The following ITSN1 variants were observed in gnomAD, a reference collection of about 807,000 sequenced individuals.
The protein encoded by ITSN1 is intersectin 1.
A neutral mutation model predicts 239.8 loss-of-function variants in ITSN1; 58 were observed. The observed-to-expected ratio is 0.24, with a 90% CI of 0.20 to 0.30. The LOEUF is 0.30. Ranked by LOEUF, ITSN1 falls within the 10% of genes least tolerant of loss-of-function variation. The probability of loss-of-function intolerance (pLI) is 1.00; values close to 1 mark genes in which losing one functional copy is unlikely to be tolerated. For synonymous variants in ITSN1, 780 were observed against 770.8 expected (o/e 1.01, Z -0.20); for missense variants, 1,558 against 2,103.3 (o/e 0.74, Z 5.07).
intron 22 of ITSN1, 154 bp from the exon 23 acceptor site, chr21:33,818,113 G>GCATC: frequency 3.2e-6 from 2 of 631,502 alleles, no homozygotes; most frequent in Non-Finnish European, 5.6e-6. Flanking sequence ...AAACAGTGAA[G>GCATC]CATCCAGCCC....
In ITSN1 at chr21:33,899,028, AGAG is replaced by A. The variant is rs1259816583; in HGVS notation, c.*10732_*10734del. ...GGAAGGCCACCTAAGGCCTGCCAGCAGAGGAGATGAGCTCTGGTCTACCAACCC... is the reference window on the plus strand; with the variant it reads ...GGAAGGCCACCTAAGGCCTGCCAGCAGAGATGAGCTCTGGTCTACCAACCC... On this transcript the variant is annotated 3_prime_UTR_variant, in exon 40 of 40. Coordinates refer to ENST00000381318, the MANE Select transcript of ITSN1 (RefSeq NM_003024.3). The A allele has an allele frequency of 6.6e-6, 1 of 152,292 alleles. No individual in the cohort carries two copies. Among genetic ancestry groups the A allele is most frequent in the Non-Finnish European group, 1.5e-5 (1 of 68,078 alleles). 9.4% of individuals were successfully genotyped at this position (152,292 alleles called of 1,614,324 possible).
intron 18 of ITSN1, 45 bp from the exon 19 acceptor site, chr21:33,799,763 C>G (rs1266216360): frequency 6.2e-7 from 1 of 1,605,466 alleles, no homozygotes; most frequent in East Asian, 2.2e-5. Context: ...TTTGTGTTCT[C>G]TGTAATTATT....
intron 1 of ITSN1, among the ~76,000 whole-genome samples, chr21:33,675,332 G>C (rs1015660275): frequency 2.6e-5 from 4 of 152,108 alleles, no homozygotes; most frequent in Admixed American, 1.3e-4. Context: ...GGGAGGCTGA[G>C]ACAGGGGGAT....
At position 33,865,486 on chromosome 21, in the gene ITSN1, T is replaced by A. The variant is rs1255364285; in HGVS notation, c.4074+152T>A. 6 of 598,522 alleles carry A rather than the reference T, an allele frequency of 1.0e-5. No individual in the cohort carries two copies. Among genetic ancestry groups the A allele is most frequent in the Non-Finnish European group, 2.7e-6 (1 of 365,118 alleles). 37.1% of individuals were successfully genotyped at this position (598,522 alleles called of 1,614,324 possible). A position where few individuals can be genotyped will look rare whatever the true frequency, so the allele number is the denominator to read the frequency against. Reference sequence around the variant, plus strand: ...TGGCTAAGCCTTAGGGGACTGGCACTCACTGGCAAGTGTGGCTGTCACCAA... The same window carrying A: ...TGGCTAAGCCTTAGGGGACTGGCACACACTGGCAAGTGTGGCTGTCACCAA... On this transcript the variant is annotated intron_variant, in intron 32 of 39. Coordinates refer to ENST00000381318, the MANE Select transcript of ITSN1 (RefSeq NM_003024.3). This position sits in a 1 kb window ranked among gnomAD's most constrained non-coding sequence, Gnocchi z 4.4.
Position 33,883,678 on chromosome 21 carries a change from C to A in ITSN1, c.4676+7C>A, listed in dbSNP as rs147216792. The A allele has an allele frequency of 3.7e-6, 6 of 1,612,180 alleles. No homozygotes were observed. In the East Asian group the frequency reaches 8.9e-5, roughly 24 times the overall value. ...CAGAAAGCATAAATGAAAGGTGAGA[C>A]CTGCCGCCTCCCCAGCATGGGCCCC... On this transcript the variant is annotated splice_region_variant and intron_variant, in intron 36 of 39. Transcript: ENST00000381318.
At chr21:33,723,644 G>C (rs938976577) in intron 4 of ITSN1, among the ~76,000 whole-genome samples, 1 of 152,198 alleles carries the variant, frequency 6.6e-6, no homozygotes, top group East Asian at 1.9e-4. Flanking sequence ...ATTTGTAGTC[G>C]TACACCTGAG....
intron 16 of ITSN1, among the ~76,000 whole-genome samples, chr21:33,786,014 AGAG>A (rs762896957): frequency 6.6e-6 from 1 of 152,222 alleles, no homozygotes; most frequent in Non-Finnish European, 1.5e-5. Flanking sequence ...GGGTGGGAGA[AGAG>A]GAGAAACGAT....
At chr21:33,793,167 T>A (rs191021188) in intron 16 of ITSN1, among the ~76,000 whole-genome samples, 1 of 152,350 alleles carries the variant, frequency 6.6e-6, no homozygotes, top group Non-Finnish European at 1.5e-5. Context: ...TGCATTTTAA[T>A]ACTGACTTTC....
intron 8 of ITSN1, among the ~76,000 whole-genome samples, chr21:33,761,091 A>G (rs1239067624): frequency 6.7e-6 from 1 of 149,074 alleles, no homozygotes; most frequent in Admixed American, 6.7e-5. Flanking sequence ...TGTTTTTTTA[A>G]TTGAGACAGT....
intron 18 of ITSN1, among the ~76,000 whole-genome samples, chr21:33,799,345 A>G (rs2071801463): frequency 6.6e-6 from 1 of 152,176 alleles, no homozygotes; most frequent in African/African-American, 2.4e-5. Context: ...AAACATCTGC[A>G]TTTTCATGTT....
intron 26 of ITSN1, chr21:33,829,301 A>T (rs573372936): frequency 1.1e-5 from 4 of 350,336 alleles, no homozygotes; most frequent in Non-Finnish European, 1.6e-5. Flanking sequence ...CTGGGTAATT[A>T]TGGGAGGGGT....
intron 34 of ITSN1, among the ~76,000 whole-genome samples, chr21:33,881,010 G>A (rs542404198): frequency 6.6e-6 from 1 of 152,210 alleles, no homozygotes; most frequent in African/African-American, 2.4e-5. Flanking sequence ...GTCAGTGGAG[G>A]GAGGGAGCTG....
At chr21:33,856,593 A>C (rs1238488171) in intron 29 of ITSN1, 143 bp from the exon 30 acceptor site, 1 of 1,064,906 alleles carries the variant, frequency 9.4e-7, no homozygotes, top group African/African-American at 1.6e-5. Context: ...TCCACATATT[A>C]CTGGGGAGGA....
intron 1 of ITSN1, among the ~76,000 whole-genome samples, chr21:33,694,845 G>C (rs1241306027): frequency 6.6e-6 from 1 of 152,072 alleles, no homozygotes; most frequent in Non-Finnish European, 1.5e-5. Flanking sequence ...AAAACAGACA[G>C]GGTCTTTCAC....
intron 1 of ITSN1, among the ~76,000 whole-genome samples, chr21:33,659,705 C>CTTTTTTTTT (rs71194859): frequency 1.3e-5 from 1 of 76,608 alleles, no homozygotes; most frequent in African/African-American, 5.6e-5. Flanking sequence ...GCAGCCTGTA[C>CTTTTTTTTT]TTTTTTTTTT....
chr21:33,722,776 T>C (rs747258800), intron 4 of ITSN1, 125 bp downstream of exon 4: 11 of 866,068 alleles, frequency 1.3e-5, no homozygotes, highest in South Asian at 1.0e-4. Context: ...GCCTGAAATA[T>C]CTTGTTACTT....
chr21:33,783,662 C>G (rs552170804), intron 16 of ITSN1, among the ~76,000 whole-genome samples: 1 of 148,970 alleles, frequency 6.7e-6, no homozygotes, highest in Non-Finnish European at 1.5e-5. Context: ...CTCACATTAA[C>G]TTTCATTGTC....
Position 33,831,591 on chromosome 21 carries a change from G to C in ITSN1, c.3351+1846G>C, listed in dbSNP as rs189261614. Among the ~76,000 whole-genome samples, 19 of 152,276 alleles carry C rather than the reference G, an allele frequency of 1.2e-4. No homozygotes were observed. In the East Asian group the frequency reaches 3.5e-3, roughly 28 times the overall value. On this transcript the variant is annotated intron_variant, in intron 27 of 39. Transcript: ENST00000381318. ...CCTCAGGTGCTCCTGAGGAATGGAGGTTGGAACAGCAGGAGCAGGAAGGAA... is the reference window on the plus strand; with the variant it reads ...CCTCAGGTGCTCCTGAGGAATGGAGCTTGGAACAGCAGGAGCAGGAAGGAA...
At chr21:33,811,991 G>A (rs2072949594) in intron 21 of ITSN1, among the ~76,000 whole-genome samples, 1 of 152,138 alleles carries the variant, frequency 6.6e-6, no homozygotes, top group African/African-American at 2.4e-5. Context: ...TATTGCTGGA[G>A]AAGGATCAGA....
Sources: allele counts gnomAD v4.1 joint callset (sites outside exome capture counted in the v4.1 genomes callset), GRCh38; gene constraint gnomAD v4.1.1; non-coding constraint Gnocchi (gnomAD v3.1); transcripts MANE v1.5; gene names NCBI Gene and HGNC (gene_info 2026-07-23, HGNC 2026-07-21).